The following TMEM132D variants were observed in gnomAD, a reference collection of about 807,000 sequenced individuals.
TMEM132D encodes the protein mature OL transmembrane protein.
A neutral mutation model predicts 62.3 loss-of-function variants in TMEM132D; 21 were observed. The ratio of observed to expected loss-of-function variants is 0.34; its 90% confidence interval spans 0.24 to 0.49. TMEM132D has a LOEUF of 0.49. Among genes scored for constraint, TMEM132D ranks in the 20% least tolerant of loss-of-function variants. The pLI is 0.99. For synonymous variants in TMEM132D, 621 were observed against 575.6 expected (o/e 1.08, Z -1.13); for missense variants, 1,346 against 1,402.8 (o/e 0.96, Z 0.65).
chr12:129,084,729 G>C (rs761525099), intron 5 of TMEM132D, 27 bp from the exon 6 acceptor site: 1 of 1,609,898 alleles, frequency 6.2e-7, no homozygotes, highest in Non-Finnish European at 8.5e-7. Context: ...GAGAAAAGGG[G>C]AGGGAAAGGT....
rs265597 is a variant in TMEM132D, at chr12:129,656,016, A to G, written c.968+43794T>C. On this transcript the variant is annotated intron_variant, in intron 2 of 8. Coordinates refer to ENST00000422113, the MANE Select transcript of TMEM132D (RefSeq NM_133448.3). ...TTACTAGAGCTGAAGCTGCTTCACC[A>G]AGCCTTCATCAAACCCACTTTATCT... Among the ~76,000 whole-genome samples the G allele has an allele frequency of 5.1e-3, 772 of 152,252 alleles. 12 individuals are homozygous for G. Among genetic ancestry groups the G allele is most frequent in the African/African-American group, 0.018 (732 of 41,542 alleles).
Position 129,502,086 on chromosome 12 carries a change from G to A in TMEM132D, c.1115+28973C>T, listed in dbSNP as rs377516371. Among the ~76,000 whole-genome samples, 29 of 151,624 alleles carry A rather than the reference G, an allele frequency of 1.9e-4. 2 individuals carry two copies. Among genetic ancestry groups the A allele is most frequent in the African/African-American group, 6.8e-4 (28 of 41,338 alleles). ...ACGGTCTCGACTCACTGCAACCTCC[G>A]CCTCCCGGGTTCACACCATTCTCCT... On this transcript the variant is annotated intron_variant, in intron 3 of 8. Transcript: ENST00000422113.
intron 1 of TMEM132D, among the ~76,000 whole-genome samples, chr12:129,760,323 CTTTTTTTTTTTT>C (rs71082753): frequency 1.5e-3 from 168 of 115,468 alleles, no homozygotes; most frequent in Middle Eastern, 5.1e-3. Flanking sequence ...AAGCCACTTT[CTTTTTTTTTTTT>C]TTTTTTTTTT....
At chr12:129,440,821 C>T (rs1013959816) in intron 3 of TMEM132D, among the ~76,000 whole-genome samples, 3 of 152,158 alleles carry the variant, frequency 2.0e-5, no homozygotes, top group Admixed American at 6.5e-5. Flanking sequence ...AGGGGGAGTG[C>T]GTGGAAGAAC....
At chr12:129,149,534 G>A (rs187949395) in intron 5 of TMEM132D, among the ~76,000 whole-genome samples, 1 of 152,346 alleles carries the variant, frequency 6.6e-6, no homozygotes, top group Non-Finnish European at 1.5e-5. Context: ...ATTGCTGGAG[G>A]AGTCAGGAGA....
intron 2 of TMEM132D, among the ~76,000 whole-genome samples, chr12:129,557,276 A>G (rs1877089061): frequency 1.3e-5 from 2 of 152,128 alleles, no homozygotes; most frequent in African/African-American, 4.8e-5. Flanking sequence ...TATAGATTCA[A>G]ATTTATTTTT....
intron 3 of TMEM132D, among the ~76,000 whole-genome samples, chr12:129,516,331 C>T (rs770982039): frequency 5.3e-5 from 8 of 152,208 alleles, no homozygotes; most frequent in Non-Finnish European, 1.0e-4. Flanking sequence ...AACCTAGTTC[C>T]ACCATGTATT....
chr12:129,282,367 T>A (rs1881181023), intron 4 of TMEM132D, among the ~76,000 whole-genome samples: 1 of 151,906 alleles, frequency 6.6e-6, no homozygotes, highest in Non-Finnish European at 1.5e-5. Context: ...GCTGAGCACA[T>A]AAAAAAATAT....
rs187534926 is a variant in TMEM132D at position 129,099,150 on chromosome 12, T to A, written c.1444-14448A>T. On this transcript the variant is annotated intron_variant, in intron 5 of 8. Coordinates refer to ENST00000422113, the MANE Select transcript of TMEM132D (RefSeq NM_133448.3). ...GGCCACTGCCCATTCCTCAAGCCCA[T>A]TGAATTTCTCTAAAAATCATTTACT... 2.9e-3 allele frequency among the ~76,000 whole-genome samples: 435 copies of A among 152,290 alleles called. 5 individuals carry two copies. Among genetic ancestry groups the A allele is most frequent in the Non-Finnish European group, 4.9e-3 (336 of 68,024 alleles).
Position 129,603,596 on chromosome 12 carries a change from A to G in TMEM132D, c.969-72391T>C, listed in dbSNP as rs534303095. On this transcript the variant is annotated intron_variant, in intron 2 of 8. Transcript: ENST00000422113. ...TTCATCATCACTGGTCATTAGAGAA[A>G]TGCAAATCAAAACCACAATGAGATA... 3.3e-5 allele frequency among the ~76,000 whole-genome samples: 5 copies of G among 152,376 alleles called. No individual in the cohort carries two copies. The South Asian group carries it at 8.3e-4, about 25-fold the overall frequency.
chr12:129,669,335 G>A (rs191128865), intron 2 of TMEM132D, among the ~76,000 whole-genome samples: 1 of 152,230 alleles, frequency 6.6e-6, no homozygotes, highest in Non-Finnish European at 1.5e-5. Context: ...GTTTTTTCCT[G>A]AAGTTCAGAC....
chr12:129,216,901 G>T (rs866347775), intron 4 of TMEM132D, among the ~76,000 whole-genome samples: 1 of 152,144 alleles, frequency 6.6e-6, no homozygotes. Context: ...AAAGGGGACC[G>T]CCTCATGATT....
At chr12:129,245,836 C>T (rs897503824) in intron 4 of TMEM132D, among the ~76,000 whole-genome samples, 3 of 152,162 alleles carry the variant, frequency 2.0e-5, no homozygotes, top group African/African-American at 7.2e-5. Context: ...TTTGGTCAGC[C>T]TGGTGTTTTA....
intron 4 of TMEM132D, among the ~76,000 whole-genome samples, chr12:129,301,432 T>C (rs1250665426): frequency 6.6e-6 from 1 of 152,028 alleles, no homozygotes; most frequent in African/African-American, 2.4e-5. Context: ...CAAGATGCCA[T>C]TAGCAATGCT....
intron 5 of TMEM132D, among the ~76,000 whole-genome samples, chr12:129,185,696 T>G (rs1013159180): frequency 6.7e-6 from 1 of 149,556 alleles, no homozygotes; most frequent in Non-Finnish European, 1.5e-5. Context: ...GTCCATATCT[T>G]ATCTATCTGT....
chr12:129,449,832 T>G (rs1873216060), intron 3 of TMEM132D, among the ~76,000 whole-genome samples: 1 of 152,194 alleles, frequency 6.6e-6, no homozygotes, highest in Non-Finnish European at 1.5e-5. Context: ...AGCAATGGTC[T>G]GTTTGGTGCT....
rs1874442102 is a variant in TMEM132D, at chr12:129,877,209, A to ATTAT, written c.79+26051_79+26052insATAA. On this transcript the variant is annotated intron_variant, in intron 1 of 8. Coordinates refer to ENST00000422113, the MANE Select transcript of TMEM132D (RefSeq NM_133448.3). ...TAATATTATAGTATAATACTATATT[A>ATTAT]AAACTATTAATATTATTCCAGAGCT... Among the ~76,000 whole-genome samples, 3 of 104,016 alleles carry ATTAT rather than the reference A, an allele frequency of 2.9e-5. No individual in the cohort carries two copies. The Admixed American group carries it at 3.1e-4, about 11-fold the overall frequency. 68.2% of individuals were successfully genotyped at this position (104,016 alleles called of 152,430 possible).
chr12:129,356,461 T>C lies in TMEM132D; in HGVS notation c.1116-18644A>G, dbSNP rs1399134213. ...CGTGAGCCACCGCGCCCGGCCGGGA[T>C]TTTTAAAGTAAGGCGGATGCCGAAG... On this transcript the variant is annotated intron_variant, in intron 3 of 8. Coordinates refer to ENST00000422113, the MANE Select transcript of TMEM132D (RefSeq NM_133448.3). Among the ~76,000 whole-genome samples, 4 of 151,040 alleles carry C rather than the reference T, an allele frequency of 2.6e-5. 1 individual carries two copies. Among genetic ancestry groups the C allele is most frequent in the Non-Finnish European group, 4.4e-5 (3 of 67,824 alleles).
intron 3 of TMEM132D, among the ~76,000 whole-genome samples, chr12:129,423,520 C>T (rs559513473): frequency 6.6e-6 from 1 of 152,230 alleles, no homozygotes; most frequent in East Asian, 1.9e-4. Context: ...GGTTGTAGGG[C>T]TCTATGGAAA....
Sources: allele counts gnomAD v4.1 joint callset (sites outside exome capture counted in the v4.1 genomes callset), GRCh38; gene constraint gnomAD v4.1.1; transcripts MANE v1.5; gene names NCBI Gene and HGNC (gene_info 2026-07-23, HGNC 2026-07-21).